Variants in RNF144B observed in about 807,000 individuals in gnomAD.
RNF144B encodes the protein E3 ubiquitin-protein ligase RNF144B.
A neutral mutation model predicts 40.2 loss-of-function variants in RNF144B; 25 were observed. The observed-to-expected ratio is 0.62, with a 90% confidence interval of 0.45 to 0.87. RNF144B has a LOEUF of 0.87. Ranked by LOEUF, RNF144B falls within the 40% of genes least tolerant of loss-of-function variation. RNF144B has a pLI of 0.00. For synonymous variants in RNF144B, 145 were observed against 136.3 expected (o/e 1.06, Z -0.44); for missense variants, 365 against 373.7 (o/e 0.98, Z 0.19).
rs188857193 is a variant in RNF144B at position 18,466,994 on chromosome 6, C to T, written c.*1927C>T. On this transcript the variant is annotated 3_prime_UTR_variant, in exon 8 of 8. Transcript: ENST00000259939. ...TGTCTTTTTCTTTTGAAACTCTAAA[C>T]ACTTCAGAAAAAAACACTATCAGTG... 6.6e-6 allele frequency: 1 copy of T among 152,168 alleles called. No homozygotes were observed. The highest frequency in any genetic ancestry group is 1.9e-4 in the East Asian group (1 of 5,146). 9.4% of individuals were successfully genotyped at this position (152,168 alleles called of 1,614,324 possible).
In RNF144B at chr6:18,393,119, CAA is replaced by C. The variant is rs10711336; in HGVS notation, c.-37+5505_-37+5506del. 5.4e-3 allele frequency among the ~76,000 whole-genome samples: 605 copies of C among 111,372 alleles called. 3 individuals are homozygous for C. The highest frequency in any genetic ancestry group is 0.015 in the African/African-American group (449 of 29,448). The allele number at this position is 111,372 out of a possible 152,430, so 73.1% of individuals were successfully genotyped here. Reference sequence around the variant, plus strand: ...CTGGAGACAGAGTGAGACTCCATCTCAAAAAAAAAAAAAAAAAGTAATTAATA... The same window carrying C: ...CTGGAGACAGAGTGAGACTCCATCTCAAAAAAAAAAAAAAAGTAATTAATA... On this transcript the variant is annotated intron_variant, in intron 1 of 7. Coordinates refer to ENST00000259939, the MANE Select transcript of RNF144B (RefSeq NM_182757.4).
intron 3 of RNF144B, among the ~76,000 whole-genome samples, chr6:18,432,119 A>G (rs775622952): frequency 6.6e-6 from 1 of 152,214 alleles, no homozygotes; most frequent in Non-Finnish European, 1.5e-5. Context: ...TGTATTAGGT[A>G]TTATAAGTAA....
In RNF144B at chr6:18,419,830, T is replaced by C. The variant is rs1028216383; in HGVS notation, c.166-7751T>C. The stretch of plus-strand genomic sequence containing the variant: ...GGAGTGAGAGAGGGCTGTTCTATGC[T>C]GTTTTATTATGACTTTTCTTTGATT... On this transcript the variant is annotated intron_variant, in intron 2 of 7. Transcript: ENST00000259939. The surrounding 1 kb of genome is among the most constrained non-coding windows in gnomAD (Gnocchi z 4.6). Among the ~76,000 whole-genome samples, 1 of 152,220 alleles carries C rather than the reference T, an allele frequency of 6.6e-6. No individual in the cohort carries two copies. Among genetic ancestry groups the C allele is most frequent in the South Asian group, 2.1e-4 (1 of 4,834 alleles).
At position 18,419,576 on chromosome 6, in the gene RNF144B, G is replaced by A. The variant is rs1195286382; in HGVS notation, c.166-8005G>A. Among the ~76,000 whole-genome samples the A allele has an allele frequency of 6.6e-6, 1 of 152,112 alleles. No homozygotes were observed. The highest frequency in any genetic ancestry group is 2.4e-5 in the African/African-American group (1 of 41,422). ...GAAGAGTATGGGATCCAGAAGACAA[G>A]GGGAAAAAGGGTTTCAGGAAGGTGG... On this transcript the variant is annotated intron_variant, in intron 2 of 7. Transcript: ENST00000259939. The surrounding 1 kb of genome is among the most constrained non-coding windows in gnomAD (Gnocchi z 4.6).
chr6:18,407,397 TAAG>T (rs1794933888), intron 2 of RNF144B, among the ~76,000 whole-genome samples: 1 of 152,118 alleles, frequency 6.6e-6, no homozygotes, highest in African/African-American at 2.4e-5. Context: ...ATAGGGATAA[TAAG>T]AAATCATCTC....
rs1304482032 is a variant in RNF144B at position 18,414,350 on chromosome 6, A to G, written c.166-13231A>G. ...GTCCCTTGTTCCTATCATTCCATGT[A>G]TAGAAATAATATCTTCTTGAGGAAA... On this transcript the variant is annotated intron_variant, in intron 2 of 7. Transcript: ENST00000259939. The surrounding 1 kb of genome is among the most constrained non-coding windows in gnomAD (Gnocchi z 4.9). 2.6e-5 allele frequency among the ~76,000 whole-genome samples: 4 copies of G among 152,136 alleles called. No homozygotes were observed. Among genetic ancestry groups the G allele is most frequent in the African/African-American group, 9.7e-5 (4 of 41,434 alleles).
chr6:18,461,308 G>C (rs1043512273), intron 6 of RNF144B, among the ~76,000 whole-genome samples: 1 of 152,186 alleles, frequency 6.6e-6, no homozygotes, highest in Non-Finnish European at 1.5e-5. Flanking sequence ...TTACAATTAT[G>C]TTTGATATTT....
At chr6:18,430,852 C>A (rs140744315) in intron 3 of RNF144B, among the ~76,000 whole-genome samples, 2 of 152,180 alleles carry the variant, frequency 1.3e-5, no homozygotes, top group East Asian at 3.9e-4. Context: ...CCACTCTATC[C>A]CTTCTCTGTC....
Position 18,387,583 on chromosome 6 carries a change from G to A in RNF144B, c.-84G>A. ...GCCCGGACTGGCGGTGAGCGCGAGG[G>A]AGGCTACTGAGAAGCCCGGCGACGG... On this transcript the variant is annotated 5_prime_UTR_variant, in exon 1 of 8. Coordinates refer to ENST00000259939, the MANE Select transcript of RNF144B (RefSeq NM_182757.4). The A allele has an allele frequency of 1.5e-6, 2 of 1,324,478 alleles. No individual in the cohort carries two copies. Among genetic ancestry groups the A allele is most frequent in the East Asian group, 9.6e-5 (2 of 20,750 alleles). 82.0% of individuals were successfully genotyped at this position (1,324,478 alleles called of 1,614,324 possible).
chr6:18,444,673 TA>T lies in RNF144B; in HGVS notation c.331+4937del, dbSNP rs11435149. Among the ~76,000 whole-genome samples, 1 of 151,824 alleles carries T rather than the reference TA, an allele frequency of 6.6e-6. No individual in the cohort carries two copies. Among genetic ancestry groups the T allele is most frequent in the Non-Finnish European group, 1.5e-5 (1 of 67,946 alleles). ...TTGTGTCATATTGTTCTCCTTCATT[TA>T]AAAAAAAGTGAAATAGGAAGTTGTC... On this transcript the variant is annotated intron_variant, in intron 4 of 7. Coordinates refer to ENST00000259939, the MANE Select transcript of RNF144B (RefSeq NM_182757.4). This position sits in a 1 kb window ranked among gnomAD's most constrained non-coding sequence, Gnocchi z 4.3.
In RNF144B at chr6:18,425,599, T is replaced by C. The variant is rs1208692507; in HGVS notation, c.166-1982T>C. Among the ~76,000 whole-genome samples the C allele has an allele frequency of 6.6e-6, 1 of 152,140 alleles. No homozygotes were observed. Among genetic ancestry groups the C allele is most frequent in the African/African-American group, 2.4e-5 (1 of 41,442 alleles). On this transcript the variant is annotated intron_variant, in intron 2 of 7. Coordinates refer to ENST00000259939, the MANE Select transcript of RNF144B (RefSeq NM_182757.4). This position sits in a 1 kb window ranked among gnomAD's most constrained non-coding sequence, Gnocchi z 4.2. Reference sequence around the variant, plus strand: ...GCACAGTAAATCCTAGAGCAAGTGATTTTTCACCCTTCTGTTGAACAAGGA... The same window carrying C: ...GCACAGTAAATCCTAGAGCAAGTGACTTTTCACCCTTCTGTTGAACAAGGA...
rs2113469146 is a variant in RNF144B, at chr6:18,405,774, G to A, written c.165+6075G>A. On this transcript the variant is annotated intron_variant, in intron 2 of 7. Coordinates refer to ENST00000259939, the MANE Select transcript of RNF144B (RefSeq NM_182757.4). This position sits in a 1 kb window ranked among gnomAD's most constrained non-coding sequence, Gnocchi z 4.5. ...AATGGATTAGAGATGACTCAAGGAGGAGCTGGCTTCCTGGACCTATGATCT... is the reference window on the plus strand; with the variant it reads ...AATGGATTAGAGATGACTCAAGGAGAAGCTGGCTTCCTGGACCTATGATCT... Among the ~76,000 whole-genome samples, 1 of 152,278 alleles carries A rather than the reference G, an allele frequency of 6.6e-6. No individual in the cohort carries two copies. Among genetic ancestry groups the A allele is most frequent in the South Asian group, 2.1e-4 (1 of 4,818 alleles).
chr6:18,413,106 G>A (rs1488308847), intron 2 of RNF144B, among the ~76,000 whole-genome samples: 1 of 152,152 alleles, frequency 6.6e-6, no homozygotes, highest in Non-Finnish European at 1.5e-5. Flanking sequence ...CCCAGGATCT[G>A]TAATGTTAAT....
In RNF144B at chr6:18,444,567, G is replaced by A. The variant is rs560442852; in HGVS notation, c.331+4823G>A. Among the ~76,000 whole-genome samples the A allele has an allele frequency of 6.6e-6, 1 of 151,804 alleles. No individual in the cohort carries two copies. The highest frequency in any genetic ancestry group is 2.1e-4 in the South Asian group (1 of 4,814). ...CTTTCTGTAACTGCAAGTTGCTTCCGTTCCTTGCTAGGTTGATGTATCTGT... is the reference window on the plus strand; with the variant it reads ...CTTTCTGTAACTGCAAGTTGCTTCCATTCCTTGCTAGGTTGATGTATCTGT... On this transcript the variant is annotated intron_variant, in intron 4 of 7. Coordinates refer to ENST00000259939, the MANE Select transcript of RNF144B (RefSeq NM_182757.4). This position sits in a 1 kb window ranked among gnomAD's most constrained non-coding sequence, Gnocchi z 4.3.
chr6:18,451,198 C>T (rs1759202565), intron 4 of RNF144B, among the ~76,000 whole-genome samples: 1 of 152,130 alleles, frequency 6.6e-6, no homozygotes, highest in African/African-American at 2.4e-5. Flanking sequence ...TTTTAAACAT[C>T]TATTTCCTTT....
chr6:18,414,479 T>G lies in RNF144B; in HGVS notation c.166-13102T>G, dbSNP rs1298273960. Reference sequence around the variant, plus strand: ...TGTAGGAAAAAATGTTGGTGATGAGTTAGCTTTATTCTGTCACTTATACAG... The same window carrying G: ...TGTAGGAAAAAATGTTGGTGATGAGGTAGCTTTATTCTGTCACTTATACAG... On this transcript the variant is annotated intron_variant, in intron 2 of 7. Transcript: ENST00000259939. The surrounding 1 kb of genome is among the most constrained non-coding windows in gnomAD (Gnocchi z 4.9). 6.6e-6 allele frequency among the ~76,000 whole-genome samples: 1 copy of G among 152,192 alleles called. No homozygotes were observed. Among genetic ancestry groups the G allele is most frequent in the Non-Finnish European group, 1.5e-5 (1 of 68,032 alleles).
intron 1 of RNF144B, chr6:18,396,900 G>T: frequency 5.3e-6 from 4 of 750,806 alleles, no homozygotes; most frequent in Non-Finnish European, 1.6e-6. Flanking sequence ...TGAATTTGAC[G>T]TGCAGGTCTA....
chr6:18,461,308 G>GGGC (rs1260411022), intron 6 of RNF144B, among the ~76,000 whole-genome samples: 2 of 152,186 alleles, frequency 1.3e-5, no homozygotes, highest in African/African-American at 4.8e-5. Flanking sequence ...TTACAATTAT[G>GGGC]TTTGATATTT....
At chr6:18,452,028 T>C (rs1283272583) in intron 4 of RNF144B, among the ~76,000 whole-genome samples, 2 of 152,154 alleles carry the variant, frequency 1.3e-5, no homozygotes, top group Non-Finnish European at 2.9e-5. Flanking sequence ...AGGACTGATA[T>C]TGGATGATTT....
Sources: allele counts gnomAD v4.1 joint callset (sites outside exome capture counted in the v4.1 genomes callset), GRCh38; gene constraint gnomAD v4.1.1; non-coding constraint Gnocchi (gnomAD v3.1); transcripts MANE v1.5; gene names NCBI Gene and HGNC (gene_info 2026-07-23, HGNC 2026-07-21).